Variants in GIPC2 observed in about 807,000 individuals in gnomAD.
The protein encoded by GIPC2 is GIPC PDZ domain containing family member 2.
GIPC2 carries 30 observed loss-of-function variants against 30.6 expected under a neutral mutation model. The observed-to-expected ratio is 0.98, with a 90% confidence interval of 0.73 to 1.33. The LOEUF is 1.33. GIPC2 is among the 40% of genes most tolerant of loss of function. The pLI, the probability that GIPC2 is intolerant of heterozygous loss-of-function variation, is 0.00. For missense variants in GIPC2, 414 were observed against 390.3 expected, an observed-to-expected ratio of 1.06 and a Z score of -0.51; for synonymous variants, 167 against 150.0, an observed-to-expected ratio of 1.11 and a Z score of -0.83.
chr1:78,079,157 G>A (rs75610666), intron 1 of GIPC2, among the ~76,000 whole-genome samples: 1,817 of 152,244 alleles, frequency 0.012, 29 homozygotes, highest in African/African-American at 0.042. Context: ...GAACATAAAG[G>A]GTTAAATTGA....
chr1:78,068,998 C>A, intron 1 of GIPC2: 1 of 838,910 alleles, frequency 1.2e-6, no homozygotes, highest in Non-Finnish European at 1.4e-6. Context: ...TTTCTAAGTG[C>A]TCTGCCTCCC....
At chr1:78,080,111 T>C (rs1447683892) in intron 1 of GIPC2, among the ~76,000 whole-genome samples, 3 of 152,156 alleles carry the variant, frequency 2.0e-5, no homozygotes, top group Admixed American at 6.5e-5. Context: ...GGCACTATAA[T>C]GCAAGATAAA....
intron 1 of GIPC2, among the ~76,000 whole-genome samples, chr1:78,074,576 T>C (rs188144448): frequency 6.1e-4 from 93 of 152,310 alleles, no homozygotes; most frequent in African/African-American, 2.2e-3. Flanking sequence ...TGCCACAATT[T>C]ACGTGAGGAT....
intron 1 of GIPC2, among the ~76,000 whole-genome samples, chr1:78,070,750 G>T (rs1465569632): frequency 6.6e-6 from 1 of 151,946 alleles, no homozygotes; most frequent in Admixed American, 6.6e-5. Flanking sequence ...GAAGTCATTT[G>T]GTAGATTCAA....
At chr1:78,054,191 G>C (rs1001104) in intron 1 of GIPC2, among the ~76,000 whole-genome samples, 138,088 of 152,236 alleles carry the variant, frequency 0.91, 62,809 homozygotes, top group African/African-American at 0.94. Flanking sequence ...TGTGAATCCA[G>C]AAATCTGGAT....
intron 1 of GIPC2, among the ~76,000 whole-genome samples, chr1:78,080,379 A>T (rs1661800755): frequency 6.6e-6 from 1 of 152,184 alleles, no homozygotes; most frequent in African/African-American, 2.4e-5. Flanking sequence ...CCTCATTTGT[A>T]ATATGGTGAT....
chr1:78,066,548 G>A (rs1332630641), intron 1 of GIPC2, among the ~76,000 whole-genome samples: 2 of 152,096 alleles, frequency 1.3e-5, no homozygotes, highest in Non-Finnish European at 1.5e-5. Flanking sequence ...ATACCCAAAG[G>A]AATATAGATC....
chr1:78,065,120 A>C (rs1395443667), intron 1 of GIPC2, among the ~76,000 whole-genome samples: 1 of 152,084 alleles, frequency 6.6e-6, no homozygotes, highest in Non-Finnish European at 1.5e-5. Context: ...CTATAGACAA[A>C]AGCCACCACA....
chr1:78,052,764 G>C (rs1661219391), intron 1 of GIPC2, among the ~76,000 whole-genome samples: 1 of 152,138 alleles, frequency 6.6e-6, no homozygotes, highest in African/African-American at 2.4e-5. Context: ...CTTCCTAAAT[G>C]AGTTACAGCA....
In GIPC2 at chr1:78,047,027, T is replaced by C. The variant is rs1343871407; in HGVS notation, c.240+693T>C. 2.0e-5 allele frequency among the ~76,000 whole-genome samples: 3 copies of C among 152,216 alleles called. No homozygotes were observed. The East Asian group carries it at 5.8e-4, about 29-fold the overall frequency. On this transcript the variant is annotated intron_variant, in intron 1 of 5. Coordinates refer to ENST00000370759, the MANE Select transcript of GIPC2 (RefSeq NM_017655.6). ...GTGGGACTAGTTAACAAAATTTTCA[T>C]GAGGAAGATCAGCTCTTTTACATCG... is the stretch of plus-strand genomic sequence containing the variant.
chr1:78,048,800 A>G (rs1283255549), intron 1 of GIPC2, among the ~76,000 whole-genome samples: 2 of 152,152 alleles, frequency 1.3e-5, no homozygotes, highest in Non-Finnish European at 2.9e-5. Flanking sequence ...GCCACGTTCA[A>G]CATTTTCAGT....
At chr1:78,114,185 G>A (rs1249170395) in intron 3 of GIPC2, among the ~76,000 whole-genome samples, 3 of 152,190 alleles carry the variant, frequency 2.0e-5, no homozygotes, top group Non-Finnish European at 2.9e-5. Flanking sequence ...CATCTAGCGA[G>A]TCAGCTAGCT....
chr1:78,048,916 C>T (rs1661145967), intron 1 of GIPC2, among the ~76,000 whole-genome samples: 1 of 152,082 alleles, frequency 6.6e-6, no homozygotes, highest in African/African-American at 2.4e-5. Flanking sequence ...GGTAAAACCC[C>T]AGTTTTACCA....
intron 1 of GIPC2, among the ~76,000 whole-genome samples, chr1:78,079,986 TTCCA>T: frequency 6.6e-6 from 1 of 152,064 alleles, no homozygotes; most frequent in Non-Finnish European, 1.5e-5. Flanking sequence ...CAGACCCCAA[TTCCA>T]TGGCCCCCCT....
chr1:78,107,824 C>CA (rs35134592), intron 3 of GIPC2, among the ~76,000 whole-genome samples: 1,762 of 28,928 alleles, frequency 0.061, 186 homozygotes, highest in East Asian at 0.13. Context: ...AACTCTGTCT[C>CA]AAAAAAAAAA....
At chr1:78,081,770 C>T (rs1661833087) in intron 2 of GIPC2, among the ~76,000 whole-genome samples, 1 of 152,138 alleles carries the variant, frequency 6.6e-6, no homozygotes, top group Admixed American at 6.5e-5. Flanking sequence ...ATATTGAATG[C>T]ATGTACTAGG....
rs183394035 is a variant in GIPC2, at chr1:78,106,297, C to T, written c.607+11165C>T. 2.9e-3 allele frequency among the ~76,000 whole-genome samples: 428 copies of T among 147,518 alleles called. 2 individuals carry two copies. Among genetic ancestry groups the T allele is most frequent in the East Asian group, 0.012 (56 of 4,864 alleles). On this transcript the variant is annotated intron_variant, in intron 3 of 5. Coordinates refer to ENST00000370759, the MANE Select transcript of GIPC2 (RefSeq NM_017655.6). Reference sequence around the variant, plus strand: ...GATTACGGCAGGGTGTGGTGGCTCACGCCTGTAATCCCAGCACTTTGGGAG... The same window carrying T: ...GATTACGGCAGGGTGTGGTGGCTCATGCCTGTAATCCCAGCACTTTGGGAG...
At chr1:78,133,126 C>T (rs551263892) in intron 5 of GIPC2, among the ~76,000 whole-genome samples, 1 of 152,342 alleles carries the variant, frequency 6.6e-6, no homozygotes, top group African/African-American at 2.4e-5. Context: ...TGTAATTACA[C>T]ACCCTCCTCT....
At chr1:78,087,586 C>G (rs1463828510) in intron 2 of GIPC2, among the ~76,000 whole-genome samples, 2 of 152,142 alleles carry the variant, frequency 1.3e-5, no homozygotes, top group Non-Finnish European at 2.9e-5. Flanking sequence ...TGAAGCTGGA[C>G]CCCTCCTTAC....
Sources: gnomAD v4.1 joint callset for allele counts (sites outside exome capture counted in the v4.1 genomes callset) on GRCh38, gnomAD v4.1.1 for gene constraint, MANE v1.5 for transcripts, NCBI Gene and HGNC (gene_info 2026-07-23, HGNC 2026-07-21) for gene names.